The following RBM20 variants were observed in gnomAD, a reference collection of about 807,000 sequenced individuals.
RBM20 encodes the protein RNA binding motif protein 20.
RBM20 carries 51 observed loss-of-function variants against 110.1 expected under a neutral mutation model. The ratio of observed to expected loss-of-function variants is 0.46; its 90% CI spans 0.37 to 0.59. The LOEUF is 0.59. Among genes scored for constraint, RBM20 ranks in the 20% least tolerant of loss-of-function variants. RBM20 has a pLI of 0.00. For synonymous variants in RBM20, 589 were observed against 618.2 expected (o/e 0.95, Z 0.70); for missense variants, 1,512 against 1,574.9 (o/e 0.96, Z 0.68).
At chr10:110,707,000 G>T (rs1862850804) in intron 1 of RBM20, among the ~76,000 whole-genome samples, 1 of 152,272 alleles carries the variant, frequency 6.6e-6, no homozygotes, top group African/African-American at 2.4e-5. Context: ...ACCCAGGGAG[G>T]CTCTAGGATG....
intron 6 of RBM20, among the ~76,000 whole-genome samples, chr10:110,798,630 T>C (rs1844581965): frequency 6.6e-6 from 1 of 152,224 alleles, no homozygotes; most frequent in Non-Finnish European, 1.5e-5. Flanking sequence ...TAAAGAATCT[T>C]GACTTCTTAG....
intron 1 of RBM20, among the ~76,000 whole-genome samples, chr10:110,732,758 G>A (rs1843632514): frequency 6.6e-6 from 1 of 152,146 alleles, no homozygotes; most frequent in Admixed American, 6.5e-5. Context: ...TGTCAAGGGT[G>A]AGAACTTGGT....
intron 9 of RBM20, among the ~76,000 whole-genome samples, chr10:110,816,026 G>C (rs1338273157): frequency 6.6e-6 from 1 of 152,148 alleles, no homozygotes; most frequent in Non-Finnish European, 1.5e-5. Context: ...ACCCCACAGG[G>C]CTGCCCCTGG....
At chr10:110,799,181 T>C (rs1341512555) in intron 6 of RBM20, among the ~76,000 whole-genome samples, 1 of 152,188 alleles carries the variant, frequency 6.6e-6, no homozygotes, top group African/African-American at 2.4e-5. Context: ...GCTGTCACCA[T>C]CACCACCAGA....
intron 1 of RBM20, among the ~76,000 whole-genome samples, chr10:110,681,883 G>C (rs970627902): frequency 6.7e-5 from 10 of 150,070 alleles, no homozygotes; most frequent in African/African-American, 2.5e-4. Flanking sequence ...TTTCTTTTCT[G>C]CTTTTTTTTT....
intron 1 of RBM20, among the ~76,000 whole-genome samples, chr10:110,748,230 A>T (rs541338309): frequency 6.6e-6 from 1 of 152,340 alleles, no homozygotes; most frequent in African/African-American, 2.4e-5. Context: ...TGTTTTGCTA[A>T]CCAAAAGAAT....
intron 12 of RBM20, among the ~76,000 whole-genome samples, chr10:110,830,511 G>C (rs1258784577): frequency 1.3e-5 from 2 of 152,202 alleles, no homozygotes; most frequent in East Asian, 3.8e-4. Context: ...CCCCCCAAAA[G>C]AGGCCTACAT....
intron 1 of RBM20, among the ~76,000 whole-genome samples, chr10:110,769,726 T>C (rs1308513370): frequency 1.3e-5 from 2 of 149,762 alleles, no homozygotes; most frequent in African/African-American, 4.9e-5. Context: ...CACTATAGAT[T>C]TTTTTTTTTT....
intron 1 of RBM20, among the ~76,000 whole-genome samples, chr10:110,693,549 T>G (rs1404636734): frequency 6.6e-6 from 1 of 152,218 alleles, no homozygotes; most frequent in East Asian, 1.9e-4. Context: ...ACTAAACTGT[T>G]GGCAAATTTG....
At chr10:110,750,434 C>CA (rs1047183566) in intron 1 of RBM20, among the ~76,000 whole-genome samples, 73 of 152,270 alleles carry the variant, frequency 4.8e-4, no homozygotes, top group African/African-American at 1.7e-3. Context: ...CCTCCCTTGC[C>CA]AGCGCTCACA....
At chr10:110,694,056 G>A (rs1023997818) in intron 1 of RBM20, among the ~76,000 whole-genome samples, 3 of 152,232 alleles carry the variant, frequency 2.0e-5, no homozygotes, top group Admixed American at 2.0e-4. Context: ...GGGCACAAGA[G>A]CTTTGTGACT....
At chr10:110,706,138 T>C (rs1862834866) in intron 1 of RBM20, among the ~76,000 whole-genome samples, 1 of 152,196 alleles carries the variant, frequency 6.6e-6, no homozygotes, top group Non-Finnish European at 1.5e-5. Flanking sequence ...AGTAGTTTTA[T>C]TCCTGTTGTA....
Position 110,836,062 on chromosome 10 carries a change from C to A in RBM20, c.*84C>A. 1.6e-6 allele frequency: 1 copy of A among 629,630 alleles called. No individual in the cohort carries two copies. The highest frequency in any genetic ancestry group is 2.8e-6 in the Non-Finnish European group (1 of 351,390). The allele number at this position is 629,630 out of a possible 1,614,324, so 39.0% of individuals were successfully genotyped here. ...AGTGGGGCCTTCCTGATTCTGGGGA[C>A]AGGACTAAAGCCTGAGAGGAAGGAA... On this transcript the variant is annotated 3_prime_UTR_variant, in exon 14 of 14. Transcript: ENST00000369519.
intron 1 of RBM20, among the ~76,000 whole-genome samples, chr10:110,706,436 G>T (rs537243790): frequency 2.0e-5 from 3 of 152,386 alleles, no homozygotes; most frequent in Non-Finnish European, 4.4e-5. Flanking sequence ...TTGGAGCTCA[G>T]CGTGACCAGT....
intron 1 of RBM20, among the ~76,000 whole-genome samples, chr10:110,763,816 T>C (rs72823883): frequency 0.037 from 5,335 of 144,388 alleles, 143 homozygotes; most frequent in Middle Eastern, 0.061. Context: ...GGCGTTAGCC[T>C]GAGAGCACAG....
intron 1 of RBM20, among the ~76,000 whole-genome samples, chr10:110,651,170 A>G (rs975734260): frequency 2.0e-5 from 3 of 152,240 alleles, no homozygotes; most frequent in African/African-American, 4.8e-5. Context: ...GTGATACCCA[A>G]TGTAGAATGC....
intron 1 of RBM20, among the ~76,000 whole-genome samples, chr10:110,727,259 A>C (rs1326004259): frequency 6.8e-6 from 1 of 147,556 alleles, no homozygotes; most frequent in Admixed American, 6.9e-5. Flanking sequence ...ATATGTGTAC[A>C]TAATTCATTT....
At chr10:110,700,988 C>T (rs1053215301) in intron 1 of RBM20, among the ~76,000 whole-genome samples, 2 of 152,112 alleles carry the variant, frequency 1.3e-5, no homozygotes, top group African/African-American at 2.4e-5. Flanking sequence ...GCATTCCAGC[C>T]TGGGTGGCTG....
At chr10:110,755,886 C>A (rs1003984207) in intron 1 of RBM20, among the ~76,000 whole-genome samples, 7 of 152,250 alleles carry the variant, frequency 4.6e-5, no homozygotes, top group African/African-American at 1.7e-4. Context: ...TTCCCAACCA[C>A]CTCAGCCTGG....
Sources: allele counts gnomAD v4.1 joint callset (sites outside exome capture counted in the v4.1 genomes callset), GRCh38; gene constraint gnomAD v4.1.1; transcripts MANE v1.5; gene names NCBI Gene and HGNC (gene_info 2026-07-23, HGNC 2026-07-21).